Variants in NRG4 observed in about 807,000 individuals in gnomAD.
NRG4 encodes the protein pro-neuregulin-4, membrane-bound isoform.
Under a neutral mutation model 15.0 loss-of-function variants are expected in NRG4, and 10 were observed. The ratio of observed to expected loss-of-function variants is 0.67; its 90% confidence interval spans 0.41 to 1.13. The LOEUF (loss-of-function observed/expected upper bound fraction) is 1.13. Ranked by LOEUF, NRG4 falls within the 50% of genes most tolerant of loss-of-function variation. The probability of loss-of-function intolerance (pLI) is 0.00; values close to 1 mark genes in which losing one functional copy is unlikely to be tolerated. For missense variants in NRG4, 139 were observed against 140.2 expected, an observed-to-expected ratio of 0.99 and a Z score of 0.04; for synonymous variants, 41 against 50.1, an observed-to-expected ratio of 0.82 and a Z score of 0.77.
At chr15:76,003,305 T>C (rs911928345) in intron 3 of NRG4, among the ~76,000 whole-genome samples, 3 of 152,164 alleles carry the variant, frequency 2.0e-5, no homozygotes, top group Non-Finnish European at 4.4e-5. Flanking sequence ...TGAGCTGCTA[T>C]TAAATTAATT....
intron 3 of NRG4, among the ~76,000 whole-genome samples, chr15:75,986,799 A>G (rs2033816063): frequency 6.6e-6 from 1 of 152,166 alleles, no homozygotes; most frequent in Admixed American, 6.5e-5. Context: ...GGAGGCAAAA[A>G]TCAGATTAAG....
At chr15:75,937,499 ACT>A (rs1158657032), downstream of NRG4, 1 of 108,592 alleles carries the variant, frequency 9.2e-6, no homozygotes, top group Non-Finnish European at 1.7e-5. Context: ...ATGGAGCAAG[ACT>A]CTGTCTCAAA....
At chr15:76,008,622 T>C (rs2034694225) in intron 3 of NRG4, among the ~76,000 whole-genome samples, 1 of 152,160 alleles carries the variant, frequency 6.6e-6, no homozygotes, top group Non-Finnish European at 1.5e-5. Context: ...AAGTACTATT[T>C]TGAAGTTTTT....
chr15:76,025,093 A>G (rs936722397), intron 5 of NRG4, among the ~76,000 whole-genome samples: 1 of 152,226 alleles, frequency 6.6e-6, no homozygotes. Context: ...AAATACCAGA[A>G]AAAGAATTCA....
chr15:76,017,934 T>C (rs1230439317), intron 5 of NRG4, among the ~76,000 whole-genome samples: 1 of 152,236 alleles, frequency 6.6e-6, no homozygotes, highest in Admixed American at 6.5e-5. Flanking sequence ...CCAACTTGGT[T>C]TCATTCTCCC....
At chr15:76,027,933 A>G (rs1197677416) in intron 5 of NRG4, among the ~76,000 whole-genome samples, 1 of 152,200 alleles carries the variant, frequency 6.6e-6, no homozygotes, top group Non-Finnish European at 1.5e-5. Flanking sequence ...CCAGTGGATT[A>G]AAAAAGAAAA....
intron 3 of NRG4, among the ~76,000 whole-genome samples, chr15:75,970,080 T>C (rs1218337022): frequency 6.6e-6 from 1 of 152,182 alleles, no homozygotes; most frequent in Non-Finnish European, 1.5e-5. Flanking sequence ...AGAACTCTTA[T>C]CTAATAAGAG....
intron 2 of NRG4, among the ~76,000 whole-genome samples, chr15:76,055,361 A>G (rs1358567720): frequency 6.6e-6 from 1 of 152,212 alleles, no homozygotes; most frequent in African/African-American, 2.4e-5. Flanking sequence ...TCACTCTTAA[A>G]TTTCATAAAC....
At chr15:75,989,583 C>G (rs2033930717) in intron 3 of NRG4, among the ~76,000 whole-genome samples, 1 of 152,004 alleles carries the variant, frequency 6.6e-6, no homozygotes, top group East Asian at 1.9e-4. Flanking sequence ...TCTGCGGTAT[C>G]TAATTTGTTA....
intron 3 of NRG4, among the ~76,000 whole-genome samples, chr15:76,007,671 C>T (rs555257592): frequency 7.5e-4 from 114 of 152,206 alleles, no homozygotes; most frequent in African/African-American, 2.7e-3. Context: ...CCCTGTGATC[C>T]GCCCACCTTG....
intron 3 of NRG4, among the ~76,000 whole-genome samples, chr15:75,965,320 A>T (rs1874954): frequency 6.6e-6 from 1 of 152,184 alleles, no homozygotes; most frequent in African/African-American, 2.4e-5. Flanking sequence ...AGTCAAGGGA[A>T]TGGTGTAAAT....
chr15:76,041,488 A>G lies in NRG4; in HGVS notation c.-104-5497T>C, dbSNP rs531893101. On this transcript the variant is annotated intron_variant, in intron 4 of 8. Coordinates refer to the NRG4 transcript ENST00000563910. Reference sequence around the variant, plus strand: ...CATAGATTGAAAATAAAGAGACAGAAAAAGATATTTCATACCAACAGAAAC... The same window carrying G: ...CATAGATTGAAAATAAAGAGACAGAGAAAGATATTTCATACCAACAGAAAC... Among the ~76,000 whole-genome samples the G allele has an allele frequency of 2.0e-5, 3 of 152,280 alleles. No homozygotes were observed. The South Asian group carries it at 6.2e-4, about 32-fold the overall frequency.
At chr15:76,051,001 ATTTATT>A (rs1555441918) in intron 4 of NRG4, among the ~76,000 whole-genome samples, 24 of 145,268 alleles carry the variant, frequency 1.7e-4, no homozygotes, top group Admixed American at 8.8e-4. Flanking sequence ...TTATTTATTT[ATTTATT>A]TTTATTTTTA....
At chr15:76,001,297 C>T (rs1004411229) in intron 3 of NRG4, among the ~76,000 whole-genome samples, 2 of 151,688 alleles carry the variant, frequency 1.3e-5, no homozygotes, top group Non-Finnish European at 2.9e-5. Context: ...ATGCCTGGCC[C>T]CAATTTTTGT....
intron 4 of NRG4, among the ~76,000 whole-genome samples, chr15:76,042,639 C>T (rs1214429088): frequency 6.6e-6 from 1 of 152,058 alleles, no homozygotes; most frequent in East Asian, 1.9e-4. Context: ...AGACTAATAA[C>T]AACTAATAAG....
chr15:75,985,965 A>C (rs1422022531), intron 3 of NRG4, among the ~76,000 whole-genome samples: 1 of 152,236 alleles, frequency 6.6e-6, no homozygotes, highest in Non-Finnish European at 1.5e-5. Flanking sequence ...GATGGCTACT[A>C]TAAGAATACA....
In NRG4 at chr15:76,025,458, T is replaced by G. The variant is rs116964141; in HGVS notation, c.-57+10486A>C. Among the ~76,000 whole-genome samples, 1,489 of 151,508 alleles carry G rather than the reference T, an allele frequency of 9.8e-3. 12 individuals carry two copies. Among genetic ancestry groups the G allele is most frequent in the African/African-American group, 0.022 (899 of 41,296 alleles). ...TGTCTCAAAAAAAAGAGAATATAGA[T>G]AGACAACACAATGAAATTTTAAAAA... On this transcript the variant is annotated intron_variant, in intron 5 of 8. Coordinates refer to the NRG4 transcript ENST00000563910.
chr15:75,989,264 C>T (rs1438891412), intron 3 of NRG4, among the ~76,000 whole-genome samples: 2 of 152,154 alleles, frequency 1.3e-5, no homozygotes, highest in Admixed American at 6.5e-5. Flanking sequence ...TTTCTTCATT[C>T]CTTCATGTAG....
intron 5 of NRG4, among the ~76,000 whole-genome samples, chr15:76,019,597 G>A (rs2035089687): frequency 6.6e-6 from 1 of 152,220 alleles, no homozygotes; most frequent in Admixed American, 6.5e-5. Flanking sequence ...GGCTAGGGGG[G>A]TAGTTCCCCA....
Sources: gnomAD v4.1 joint callset for allele counts (sites outside exome capture counted in the v4.1 genomes callset) on GRCh38, gnomAD v4.1.1 for gene constraint, MANE v1.5 for transcripts, NCBI Gene and HGNC (gene_info 2026-07-23, HGNC 2026-07-21) for gene names.